SRGAP3: variants seen among roughly 807,000 people sequenced by gnomAD.
SRGAP3 encodes the protein SLIT-ROBO Rho GTPase activating protein 3.
In SRGAP3, 39 loss-of-function variants were observed where a neutral mutation model predicts 121.1. The ratio of observed to expected loss-of-function variants is 0.32; its 90% CI spans 0.25 to 0.42. SRGAP3 has a LOEUF of 0.42. Ranked by LOEUF, SRGAP3 falls within the 10% of genes least tolerant of loss-of-function variation. SRGAP3 has a pLI of 1.00. For missense variants in SRGAP3, 1,213 were observed against 1,470.6 expected (o/e 0.82, Z 2.86); for synonymous variants, 601 against 570.0 (o/e 1.05, Z -0.77).
chr3:9,143,537 G>A (rs1298382763), intron 1 of SRGAP3, among the ~76,000 whole-genome samples: 2 of 152,200 alleles, frequency 1.3e-5, no homozygotes, highest in Non-Finnish European at 2.9e-5. Context: ...CAAGCCTTTT[G>A]GATCCTGAAA....
chr3:9,006,294 G>A (rs1430417481), intron 18 of SRGAP3, among the ~76,000 whole-genome samples: 2 of 151,866 alleles, frequency 1.3e-5, no homozygotes, highest in Non-Finnish European at 2.9e-5. Context: ...CAGCTACTCC[G>A]GAGGCTGAGG....
chr3:9,287,426 T>A (rs1438380087), intron 3 of SRGAP3, among the ~76,000 whole-genome samples: 2 of 152,230 alleles, frequency 1.3e-5, no homozygotes, highest in African/African-American at 4.8e-5. Context: ...AAAATGTTTT[T>A]CCACTTCCTG....
chr3:9,177,828 G>T (rs1951233961), intron 1 of SRGAP3, among the ~76,000 whole-genome samples: 1 of 152,154 alleles, frequency 6.6e-6, no homozygotes, highest in East Asian at 1.9e-4. Context: ...CCCTGGTCTG[G>T]CCAAGAGAAG....
chr3:9,016,107 A>G, intron 14 of SRGAP3: 1 of 283,320 alleles, frequency 3.5e-6, no homozygotes, highest in Non-Finnish European at 6.8e-6. Context: ...TCTCCTAAGA[A>G]TAAGGATATT....
intron 3 of SRGAP3, among the ~76,000 whole-genome samples, chr3:9,268,973 C>T (rs996124569): frequency 1.3e-5 from 2 of 152,174 alleles, no homozygotes; most frequent in Admixed American, 6.5e-5. Context: ...ACCTTGCCTG[C>T]TCCAGGAGGC....
At chr3:9,060,590 T>C (rs1028173680) in intron 5 of SRGAP3, among the ~76,000 whole-genome samples, 1 of 151,926 alleles carries the variant, frequency 6.6e-6, no homozygotes, top group Admixed American at 6.6e-5. Flanking sequence ...CACACCTGGC[T>C]AGTTTTTGTT....
At chr3:9,186,266 C>T (rs1310446007) in intron 1 of SRGAP3, among the ~76,000 whole-genome samples, 1 of 152,164 alleles carries the variant, frequency 6.6e-6, no homozygotes, top group African/African-American at 2.4e-5. Context: ...TTGTCCTTCT[C>T]TCCCAAAGAG....
intron 1 of SRGAP3, among the ~76,000 whole-genome samples, chr3:9,144,750 T>G (rs746140250): frequency 1.7e-4 from 26 of 152,220 alleles, no homozygotes; most frequent in Non-Finnish European, 3.2e-4. Context: ...AAACATCTTT[T>G]TCTTCCCAGT....
Position 9,315,213 on chromosome 3 carries a change from C to A in SRGAP3, n.442+10797G>T, listed in dbSNP as rs546776742. Reference sequence around the variant, plus strand: ...CCCAACCTCTGCCAGCAGCTTAAGGCTTTCAACTGGGCTGCTGCACCTCCC... The same window carrying A: ...CCCAACCTCTGCCAGCAGCTTAAGGATTTCAACTGGGCTGCTGCACCTCCC... On this transcript the variant is annotated intron_variant and non_coding_transcript_variant, in intron 3 of 3. Transcript: ENST00000490889. 8.5e-5 allele frequency among the ~76,000 whole-genome samples: 13 copies of A among 152,284 alleles called. No homozygotes were observed. The South Asian group carries it at 2.3e-3, about 27-fold the overall frequency.
intron 3 of SRGAP3, among the ~76,000 whole-genome samples, chr3:9,318,821 G>C (rs982012370): frequency 6.6e-6 from 1 of 151,626 alleles, no homozygotes; most frequent in African/African-American, 2.4e-5. Flanking sequence ...CGAGGCTGCA[G>C]TGACCTGTGA....
chr3:9,262,381 G>A (rs1954271431), intron 3 of SRGAP3, among the ~76,000 whole-genome samples: 1 of 151,858 alleles, frequency 6.6e-6, no homozygotes, highest in Admixed American at 6.6e-5. Context: ...AATGTAAATG[G>A]ATTAAATGCC....
At chr3:9,113,900 T>C (rs1030241091) in intron 2 of SRGAP3, among the ~76,000 whole-genome samples, 8 of 152,184 alleles carry the variant, frequency 5.3e-5, no homozygotes, top group Non-Finnish European at 4.4e-5. Context: ...CCCTTTTCTT[T>C]ATAAATTACT....
chr3:9,079,639 G>A (rs983435017), intron 4 of SRGAP3, among the ~76,000 whole-genome samples: 2 of 152,144 alleles, frequency 1.3e-5, no homozygotes, highest in Admixed American at 1.3e-4. Context: ...TCCTACAGTT[G>A]GTAAGGAGGG....
rs1472048827 is a variant in SRGAP3 at position 9,109,451 on chromosome 3, T to C, written c.261-4609A>G. On this transcript the variant is annotated intron_variant, in intron 2 of 21. Coordinates refer to ENST00000383836, the MANE Select transcript of SRGAP3 (RefSeq NM_014850.4). This position sits in a 1 kb window ranked among gnomAD's most constrained non-coding sequence, Gnocchi z 4.4. ...GAGCGAGCCAAGGCAAGGAGGAGGA[T>C]GTTACCCGAAAGCAGCCAAAGACTC... Among the ~76,000 whole-genome samples, 2 of 152,110 alleles carry C rather than the reference T, an allele frequency of 1.3e-5. No individual in the cohort carries two copies. Among genetic ancestry groups the C allele is most frequent in the Non-Finnish European group, 2.9e-5 (2 of 68,018 alleles).
At chr3:9,258,446 G>T (rs1954181872) in intron 3 of SRGAP3, among the ~76,000 whole-genome samples, 1 of 152,192 alleles carries the variant, frequency 6.6e-6, no homozygotes, top group Non-Finnish European at 1.5e-5. Context: ...CAAGCTCGGA[G>T]TTTCATCTGG....
chr3:9,035,768 C>G (rs1944714726), intron 11 of SRGAP3: 2 of 161,368 alleles, frequency 1.2e-5, no homozygotes, highest in South Asian at 4.1e-4. Context: ...CAAAATTATC[C>G]TGCAACTAAA....
intron 1 of SRGAP3, among the ~76,000 whole-genome samples, chr3:9,145,684 T>G (rs957073812): frequency 1.3e-5 from 2 of 152,058 alleles, no homozygotes. Context: ...AACATTACAA[T>G]GAGCTAAAAC....
At position 9,053,009 on chromosome 3, in the gene SRGAP3, G is replaced by A; in HGVS notation, c.1323+18C>T. The stretch of plus-strand genomic sequence containing the variant: ...GGCTTGGCCGACAGTGTGGTTCTGG[G>A]CCCAGGATGCCACTTACTGTAAAAT... On this transcript the variant is annotated intron_variant, in intron 9 of 21. Transcript: ENST00000383836. 1 of 1,612,780 alleles carries A rather than the reference G, an allele frequency of 6.2e-7. No individual in the cohort carries two copies. The highest frequency in any genetic ancestry group is 8.5e-7 in the Non-Finnish European group (1 of 1,179,996).
chr3:9,209,887 A>G (rs1043522606), intron 1 of SRGAP3, among the ~76,000 whole-genome samples: 2 of 152,232 alleles, frequency 1.3e-5, no homozygotes, highest in African/African-American at 4.8e-5. Flanking sequence ...ACTGGAAACA[A>G]TCCAAATGTC....
Sources: allele counts gnomAD v4.1 joint callset (sites outside exome capture counted in the v4.1 genomes callset), GRCh38; gene constraint gnomAD v4.1.1; non-coding constraint Gnocchi (gnomAD v3.1); transcripts MANE v1.5; gene names NCBI Gene and HGNC (gene_info 2026-07-23, HGNC 2026-07-21).